Variants in UGGT1 observed in about 807,000 individuals in gnomAD.
UGGT1 encodes UDP-glucose glycoprotein glucosyltransferase 1, also known as UDP-glucose:glycoprotein glucosyltransferase 1.
Under a neutral mutation model 203.9 loss-of-function variants are expected in UGGT1, and 107 were observed. The ratio of observed to expected loss-of-function variants is 0.52; its 90% CI spans 0.45 to 0.62. The LOEUF (loss-of-function observed/expected upper bound fraction) is 0.62. UGGT1 is among the 20% of genes least tolerant of loss of function. The pLI is 0.00. For synonymous variants in UGGT1, 628 were observed against 653.5 expected, an observed-to-expected ratio of 0.96 and a Z score of 0.59; for missense variants, 1,673 against 1,867.2, an observed-to-expected ratio of 0.90 and a Z score of 1.92.
chr2:128,097,291 G>A (rs563891277), intron 1 of UGGT1, 138 bp from the exon 2 acceptor site: 41 of 949,638 alleles, frequency 4.3e-5, no homozygotes, highest in Middle Eastern at 3.4e-4. Flanking sequence ...CAGGAGAATC[G>A]CTTGAACCTG....
At chr2:128,182,430 T>A in intron 37 of UGGT1, 140 bp downstream of exon 37, 1 of 1,136,156 alleles carries the variant, frequency 8.8e-7, no homozygotes, top group Non-Finnish European at 1.2e-6. Flanking sequence ...CTGGGTGCAG[T>A]GGCTCATGCC....
chr2:128,145,757 C>T (rs1215288797), intron 17 of UGGT1, 46 bp from the exon 18 acceptor site: 8 of 1,475,968 alleles, frequency 5.4e-6, no homozygotes, highest in Non-Finnish European at 7.2e-6. Context: ...CCATTTGTCT[C>T]ACAAAAGGCA....
intron 3 of UGGT1, among the ~76,000 whole-genome samples, chr2:128,106,801 G>T (rs1687625558): frequency 6.6e-6 from 1 of 152,008 alleles, no homozygotes; most frequent in Non-Finnish European, 1.5e-5. Context: ...CCACCCACCT[G>T]CCCCTTCCAA....
chr2:128,108,312 C>T (rs1186451575), intron 4 of UGGT1, among the ~76,000 whole-genome samples: 1 of 152,106 alleles, frequency 6.6e-6, no homozygotes, highest in Non-Finnish European at 1.5e-5. Context: ...TTATGCATTG[C>T]AGCCTGGGAG....
At chr2:128,174,938 G>A (rs931574050) in intron 31 of UGGT1, 80 bp downstream of exon 31, 2 of 1,205,898 alleles carry the variant, frequency 1.7e-6, no homozygotes, top group East Asian at 4.9e-5. Flanking sequence ...TACCCTGGCA[G>A]TTAGCCAGGC....
chr2:128,154,577 T>C (rs1389016217), intron 19 of UGGT1, among the ~76,000 whole-genome samples: 1 of 152,214 alleles, frequency 6.6e-6, no homozygotes, highest in African/African-American at 2.4e-5. Context: ...AATTTTATAC[T>C]AATTTTTATC....
At chr2:128,135,101 T>C in intron 15 of UGGT1, 140 bp downstream of exon 15, 2 of 684,238 alleles carry the variant, frequency 2.9e-6, no homozygotes, top group Non-Finnish European at 5.0e-6. Context: ...TTCTGGTCAG[T>C]ATGAAGCCAG....
chr2:128,187,671 T>G, intron 40 of UGGT1, 57 bp downstream of exon 40: 1 of 1,518,172 alleles, frequency 6.6e-7, no homozygotes, highest in Non-Finnish European at 8.9e-7. Flanking sequence ...GATTTCTGCT[T>G]GTTGTAAAGA....
chr2:128,159,609 T>C lies in UGGT1; in HGVS notation c.2451T>C (p.Ala817=). Residue 817 remains alanine, a synonymous_variant, in exon 23 of 41, where the codon GCT becomes GCC. Coordinates refer to ENST00000259253, the MANE Select transcript of UGGT1 (RefSeq NM_020120.4). ...AGATCTCCAGAGCAATCTGGGCAGC[T>C]CTCCAAACTCAGACTTCCAACGCTG... The part of the protein sequence containing the change: ...NTQISRAIWA[A]LQTQTSNAAK... 1 of 1,614,172 alleles carries C rather than the reference T, an allele frequency of 6.2e-7. No homozygotes were observed. Among genetic ancestry groups the C allele is most frequent in the Non-Finnish European group, 8.5e-7 (1 of 1,180,042 alleles).
At chr2:128,154,277 T>G (rs1166935162) in intron 19 of UGGT1, among the ~76,000 whole-genome samples, 1 of 152,228 alleles carries the variant, frequency 6.6e-6, no homozygotes, top group African/African-American at 2.4e-5. Context: ...TCATTTTTAT[T>G]TAAATTTGAA....
intron 22 of UGGT1, among the ~76,000 whole-genome samples, chr2:128,158,398 C>T (rs1463579156): frequency 1.3e-5 from 2 of 152,164 alleles, no homozygotes; most frequent in African/African-American, 4.8e-5. Context: ...CCAGACACTA[C>T]GCCTCTTCCC....
At chr2:128,107,780 C>A (rs1687669039) in intron 3 of UGGT1, among the ~76,000 whole-genome samples, 158 bp from the exon 4 acceptor site, 1 of 152,150 alleles carries the variant, frequency 6.6e-6, no homozygotes. Context: ...ATTTTGTACT[C>A]CAGGGAGTTT....
intron 33 of UGGT1, 118 bp from the exon 34 acceptor site, chr2:128,178,350 T>A: frequency 1.1e-6 from 1 of 872,574 alleles, no homozygotes; most frequent in South Asian, 1.7e-5. Context: ...TAACCACTCC[T>A]GCTGCAGCTC....
chr2:128,187,165 A>C, intron 39 of UGGT1: 1 of 314,186 alleles, frequency 3.2e-6, no homozygotes, highest in East Asian at 5.8e-5. Flanking sequence ...TTCACAACTT[A>C]CAATCTGCTG....
chr2:128,104,586 T>C (rs1687518902), intron 3 of UGGT1, among the ~76,000 whole-genome samples: 1 of 152,204 alleles, frequency 6.6e-6, no homozygotes, highest in African/African-American at 2.4e-5. Context: ...GATGCTGATA[T>C]GTGAGTAGTT....
At chr2:128,153,087 A>G (rs1345699558) in intron 19 of UGGT1, among the ~76,000 whole-genome samples, 183 bp downstream of exon 19, 3 of 145,150 alleles carry the variant, frequency 2.1e-5, no homozygotes, top group East Asian at 4.2e-4. Flanking sequence ...TTCTAAATTC[A>G]CAAGAGTTTC....
chr2:128,121,404 TC>T, intron 10 of UGGT1, 106 bp downstream of exon 10: 13 of 664,190 alleles, frequency 2.0e-5, no homozygotes, highest in South Asian at 9.2e-5. Context: ...AAATTAAGAT[TC>T]TTTTTTTTTT....
chr2:128,118,454 TAG>T (rs893028706), intron 8 of UGGT1, among the ~76,000 whole-genome samples: 1 of 152,154 alleles, frequency 6.6e-6, no homozygotes, highest in Admixed American at 6.5e-5. Flanking sequence ...TTTGTAGAGA[TAG>T]AGTCTTGCTA....
intron 25 of UGGT1, among the ~76,000 whole-genome samples, chr2:128,162,724 T>C (rs1401663817): frequency 6.6e-6 from 1 of 152,164 alleles, no homozygotes; most frequent in African/African-American, 2.4e-5. Context: ...GAAGCAGCCA[T>C]GTCACAGGCA....
Sources: gnomAD v4.1 joint callset for allele counts (sites outside exome capture counted in the v4.1 genomes callset) on GRCh38, gnomAD v4.1.1 for gene constraint, MANE v1.5 for transcripts, NCBI Gene and HGNC (gene_info 2026-07-23, HGNC 2026-07-21) for gene names.